The following MSTN variants were observed in gnomAD, a reference collection of about 807,000 sequenced individuals.
The protein encoded by MSTN is growth/differentiation factor 8.
A neutral mutation model predicts 32.3 loss-of-function variants in MSTN; 12 were observed. That is an observed-to-expected ratio of 0.37 (90% CI 0.24 to 0.60). The LOEUF (loss-of-function observed/expected upper bound fraction) is 0.60. Among genes scored for constraint, MSTN ranks in the 20% least tolerant of loss-of-function variants. The pLI is 0.67. For missense variants in MSTN, 403 were observed against 450.3 expected (o/e 0.89, Z 0.95); for synonymous variants, 168 against 155.1 (o/e 1.08, Z -0.62).
At chr2:190,062,121 G>T in intron 1 of MSTN, 103 bp downstream of exon 1, 1 of 1,255,402 alleles carries the variant, frequency 8.0e-7, no homozygotes, top group Non-Finnish European at 1.1e-6. Flanking sequence ...CTTACATACA[G>T]GCCAACAGCT....
Position 190,057,416 on chromosome 2 carries a change from T to TA in MSTN, c.969dup (p.Thr324TyrfsTer26). 6.2e-7 allele frequency: 1 copy of TA among 1,613,458 alleles called. No homozygotes were observed. The highest frequency in any genetic ancestry group is 8.5e-7 in the Non-Finnish European group (1 of 1,179,596). ...GGGTTTGCTTGGTGTACCAGATGAG[T>TA]ATGAGGATATTTTTGTAAAAATACA... On this transcript the variant is annotated frameshift_variant, in exon 3 of 3. Coordinates refer to ENST00000260950, the MANE Select transcript of MSTN (RefSeq NM_005259.3). LOFTEE classifies it high-confidence loss of function.
chr2:190,056,594 A>G lies in MSTN; in HGVS notation c.*664T>C, dbSNP rs1265969210. ...AAATCCATTCCTCATTTGGAGGTGT[A>G]GGAAAATGCACCTGAAGAAAAGAGA... On this transcript the variant is annotated 3_prime_UTR_variant, in exon 3 of 3. Coordinates refer to ENST00000260950, the MANE Select transcript of MSTN (RefSeq NM_005259.3). 1 of 152,622 alleles carries G rather than the reference A, an allele frequency of 6.6e-6. No homozygotes were observed. Among genetic ancestry groups the G allele is most frequent in the African/African-American group, 2.4e-5 (1 of 41,452 alleles). The allele number at this position is 152,622 out of a possible 1,614,324, so 9.5% of individuals were successfully genotyped here.
At position 190,057,277 on chromosome 2, in the gene MSTN, TCTA is replaced by T; in HGVS notation, c.1106_1108del (p.Val369del). 1 of 1,613,334 alleles carries T rather than the reference TCTA, an allele frequency of 6.2e-7. No individual in the cohort carries two copies. The highest frequency in any genetic ancestry group is 8.5e-7 in the Non-Finnish European group (1 of 1,179,464). Reference sequence around the variant, plus strand: ...TAAATCTCATGAGCACCCACAGCGGTCTACTACCATCGCTGGAATTTTCCCATA... The same window carrying T: ...TAAATCTCATGAGCACCCACAGCGGTCTACCATCGCTGGAATTTTCCCATA... On this transcript the variant is annotated inframe_deletion, in exon 3 of 3. Transcript: ENST00000260950.
chr2:190,061,829 T>C (rs1685603387), intron 1 of MSTN, among the ~76,000 whole-genome samples: 1 of 151,804 alleles, frequency 6.6e-6, no homozygotes, highest in Non-Finnish European at 1.5e-5. Context: ...TTTTTTTTTT[T>C]CTGTTATTAG....
intron 2 of MSTN, 50 bp downstream of exon 2, chr2:190,060,012 A>G: frequency 6.4e-7 from 1 of 1,563,606 alleles, no homozygotes; most frequent in Non-Finnish European, 8.8e-7. Context: ...TGTTCATATT[A>G]TGAATAAAAA....
At position 190,060,434 on chromosome 2, in the gene MSTN, A is replaced by T. The variant is rs147813198; in HGVS notation, c.375T>A (p.Ser125=). ...TETIITMPTE[S]DFLMQVDGKP... ...TTCCATCCACTTGCATTAGAAAATC[A>T]GCTATAAATGAATAAGAAAAGAAAA... Residue 125 remains serine (S), a splice_region_variant and synonymous_variant, in exon 2 of 3, where the codon TCT becomes TCA. Coordinates refer to ENST00000260950, the MANE Select transcript of MSTN (RefSeq NM_005259.3). The T allele has an allele frequency of 5.6e-6, 9 of 1,607,768 alleles. No individual in the cohort carries two copies. In the African/African-American group the frequency reaches 9.4e-5, roughly 17 times the overall value.
chr2:190,062,467 A>G lies in MSTN; in HGVS notation c.130T>C (p.Trp44Arg), dbSNP rs749509789. 5.2e-5 allele frequency: 84 copies of G among 1,613,452 alleles called. No individual in the cohort carries two copies. Among genetic ancestry groups the G allele is most frequent in the Non-Finnish European group, 7.0e-5 (82 of 1,179,652 alleles). The part of the protein sequence containing the change: ...EKEGLCNACT[W>R]RQNTKSSRIE... ...CTTGAAGATTTAGTGTTTTGTCTCC[A>G]AGTACATGCATTACACAGCCCCTCT... Residue 44 changes from tryptophan (W) to arginine (R), a missense_variant, in exon 1 of 3, where the codon TGG (tryptophan) becomes CGG (arginine). Transcript: ENST00000260950.
In MSTN at chr2:190,062,697, G is replaced by A. The variant is rs1685633316; in HGVS notation, c.-101C>T. On this transcript the variant is annotated 5_prime_UTR_variant, in exon 1 of 3. Transcript: ENST00000260950. ...CAAGCAAAATTTTAATGCATGTACA[G>A]TCTGAGAGACAACTTGCCACACCAG... 1 of 1,135,040 alleles carries A rather than the reference G, an allele frequency of 8.8e-7. No individual in the cohort carries two copies. Among genetic ancestry groups the A allele is most frequent in the Non-Finnish European group, 1.3e-6 (1 of 798,210 alleles). 70.3% of individuals were successfully genotyped at this position (1,135,040 alleles called of 1,614,324 possible). A position where few individuals can be genotyped will look rare whatever the true frequency, so the allele number is the denominator to read the frequency against.
In MSTN at chr2:190,057,199, A is replaced by G. The variant is rs565034145; in HGVS notation, c.*59T>C. Reference sequence around the variant, plus strand: ...TGTGGTACTTAATTTCACAGCTTCAAAATTGTTGAGGGGAAAACCTTCCAT... The same window carrying G: ...TGTGGTACTTAATTTCACAGCTTCAGAATTGTTGAGGGGAAAACCTTCCAT... On this transcript the variant is annotated 3_prime_UTR_variant, in exon 3 of 3. Coordinates refer to ENST00000260950, the MANE Select transcript of MSTN (RefSeq NM_005259.3). 17 of 1,600,350 alleles carry G rather than the reference A, an allele frequency of 1.1e-5. No homozygotes were observed. In the African/African-American group the frequency reaches 1.7e-4, roughly 16 times the overall value.
chr2:190,060,292 T>C lies in MSTN; in HGVS notation c.517A>G (p.Ile173Val). 6.2e-7 allele frequency: 1 copy of C among 1,613,134 alleles called. No homozygotes were observed. The highest frequency in any genetic ancestry group is 1.7e-5 in the Admixed American group (1 of 59,926). Residue 173 changes from isoleucine (I) to valine (V), a missense_variant, in exon 2 of 3, where the codon ATC becomes GTC. Ile to Val is a conservative substitution (Grantham distance 29). Transcript: ENST00000260950. ...VETPTTVFVQ[I>V]LRLIKPMKDG... ...TTCATAGGTTTGATGAGTCTCAGGA[T>C]TTGCACAAACACTGTTGTAGGAGTC...
At position 190,055,730 on chromosome 2, in the gene MSTN, ATATAACT is replaced by A. The variant is rs1374626386; in HGVS notation, c.*1521_*1527del. 6.6e-6 allele frequency: 1 copy of A among 152,208 alleles called. No homozygotes were observed. Among genetic ancestry groups the A allele is most frequent in the Non-Finnish European group, 1.5e-5 (1 of 68,020 alleles). 9.4% of individuals were successfully genotyped at this position (152,208 alleles called of 1,614,324 possible). A position where few individuals can be genotyped will look rare whatever the true frequency, so the allele number is the denominator to read the frequency against. On this transcript the variant is annotated 3_prime_UTR_variant, in exon 3 of 3. Coordinates refer to ENST00000260950, the MANE Select transcript of MSTN (RefSeq NM_005259.3). ...TTCAAAAAAATGTGAAAACACTTTAATATAACTTATACTGTTTCTACAAATTAGATGT... is the reference window on the plus strand; with the variant it reads ...TTCAAAAAAATGTGAAAACACTTTAATATACTGTTTCTACAAATTAGATGT...
intron 2 of MSTN, among the ~76,000 whole-genome samples, chr2:190,059,097 T>C (rs1685520881): frequency 6.6e-6 from 1 of 151,762 alleles, no homozygotes; most frequent in African/African-American, 2.4e-5. Context: ...GTAGATCTGA[T>C]CTGCTAATTA....
intron 2 of MSTN, among the ~76,000 whole-genome samples, chr2:190,058,518 T>C (rs1254643624): frequency 2.0e-5 from 3 of 151,944 alleles, no homozygotes; most frequent in African/African-American, 7.2e-5. Context: ...AACTAGATCA[T>C]TTAGAAAATT....
chr2:190,058,373 A>G (rs1300896102), intron 2 of MSTN, among the ~76,000 whole-genome samples: 3 of 152,026 alleles, frequency 2.0e-5, no homozygotes, highest in African/African-American at 4.8e-5. Flanking sequence ...AAAAAGGAAC[A>G]CTTTCTTAAA....
intron 2 of MSTN, among the ~76,000 whole-genome samples, 196 bp from the exon 3 acceptor site, chr2:190,057,834 A>C (rs1685478586): frequency 6.6e-6 from 1 of 152,104 alleles, no homozygotes; most frequent in Admixed American, 6.6e-5. Context: ...AGAATTTAAC[A>C]GCAATACAAA....
Position 190,056,683 on chromosome 2 carries a change from T to C in MSTN, c.*575A>G, listed in dbSNP as rs1685438174. On this transcript the variant is annotated 3_prime_UTR_variant, in exon 3 of 3. Transcript: ENST00000260950. ...CTGGTAGCCTCAGACATTCAGCCTA[T>C]CGTATTAGCACCGTTGGCATGGATT... is the stretch of plus-strand genomic sequence containing the variant. 6.5e-6 allele frequency: 1 copy of C among 152,754 alleles called. No homozygotes were observed. Among genetic ancestry groups the C allele is most frequent in the African/African-American group, 2.4e-5 (1 of 41,448 alleles). 9.5% of individuals were successfully genotyped at this position (152,754 alleles called of 1,614,324 possible).
intron 2 of MSTN, among the ~76,000 whole-genome samples, chr2:190,057,908 C>T (rs567929899): frequency 2.0e-5 from 3 of 151,842 alleles, no homozygotes; most frequent in Non-Finnish European, 4.4e-5. Flanking sequence ...TACCAGATTG[C>T]CTGGCACATA....
At chr2:190,058,931 A>G (rs1685515091) in intron 2 of MSTN, among the ~76,000 whole-genome samples, 1 of 151,916 alleles carries the variant, frequency 6.6e-6, no homozygotes, top group Non-Finnish European at 1.5e-5. Context: ...TCACCACTGT[A>G]CAATTCATCT....
chr2:190,061,516 A>C (rs1575558882), intron 1 of MSTN, among the ~76,000 whole-genome samples: 1 of 152,116 alleles, frequency 6.6e-6, no homozygotes, highest in South Asian at 2.1e-4. Flanking sequence ...TACTCTCAAT[A>C]ATAGTACTAT....
Sources: allele counts gnomAD v4.1 joint callset (sites outside exome capture counted in the v4.1 genomes callset), GRCh38; gene constraint gnomAD v4.1.1; transcripts MANE v1.5; gene names NCBI Gene and HGNC (gene_info 2026-07-23, HGNC 2026-07-21).